Variants in ERC1 observed in about 807,000 individuals in gnomAD.
ERC1 encodes ELKS/RAB6-interacting/CAST family member 1.
A neutral mutation model predicts 132.0 loss-of-function variants in ERC1; 56 were observed. That is an observed-to-expected ratio of 0.42 (90% confidence interval 0.34 to 0.53). The LOEUF is 0.53. ERC1 is among the 20% of genes least tolerant of loss of function. The pLI is 0.03. For synonymous variants in ERC1, 478 were observed against 476.1 expected, an observed-to-expected ratio of 1.00 and a Z score of -0.05; for missense variants, 1,202 against 1,349.9, an observed-to-expected ratio of 0.89 and a Z score of 1.72.
At chr12:1,203,659 C>G (rs922177781) in intron 12 of ERC1, among the ~76,000 whole-genome samples, 1 of 152,206 alleles carries the variant, frequency 6.6e-6, no homozygotes, top group Non-Finnish European at 1.5e-5. Context: ...CCAGATGATA[C>G]TGGTCGTTAG....
At chr12:1,129,246 G>A (rs1948509633) in intron 7 of ERC1, among the ~76,000 whole-genome samples, 2 of 152,168 alleles carry the variant, frequency 1.3e-5, no homozygotes, top group Non-Finnish European at 2.9e-5. Context: ...GTCAAGGTAG[G>A]AGGATCACTT....
At position 1,115,938 on chromosome 12, in the gene ERC1, C is replaced by T. The variant is rs1593394062; in HGVS notation, c.1474C>T (p.Leu492Phe). 11 of 1,614,154 alleles carry T rather than the reference C, an allele frequency of 6.8e-6. No individual in the cohort carries two copies. Among genetic ancestry groups the T allele is most frequent in the Non-Finnish European group, 9.3e-6 (11 of 1,180,004 alleles). Residue 492 changes from leucine to phenylalanine, a missense_variant, in exon 7 of 19, where the codon CTC becomes TTC. Coordinates refer to ENST00000360905, the MANE Select transcript of ERC1 (RefSeq NM_178040.4). ...CGCCCTGCAGACAAAGCTAGAAACA[C>T]TCACAAACCAGTTCTCAGATAGTAA... ...LLALQTKLET[L>F]TNQFSDSKQH...
chr12:1,236,451 T>G (rs775532457), intron 12 of ERC1, among the ~76,000 whole-genome samples: 22 of 152,222 alleles, frequency 1.4e-4, no homozygotes, highest in Non-Finnish European at 2.6e-4. Flanking sequence ...AAATACTGCT[T>G]CCGTATTTCC....
chr12:1,484,891 C>CTT (rs57684164), intron 18 of ERC1, among the ~76,000 whole-genome samples: 7 of 149,718 alleles, frequency 4.7e-5, no homozygotes, highest in Non-Finnish European at 4.5e-5. Context: ...TCTTGTTTTT[C>CTT]TTTTTTTGAG....
chr12:1,368,919 T>A (rs1591575364), intron 15 of ERC1, among the ~76,000 whole-genome samples: 1 of 152,166 alleles, frequency 6.6e-6, no homozygotes, highest in African/African-American at 2.4e-5. Flanking sequence ...CATGTAGAAA[T>A]CAGTGTCAGG....
chr12:1,239,245 A>G (rs764576267), intron 13 of ERC1, among the ~76,000 whole-genome samples: 1 of 152,040 alleles, frequency 6.6e-6, no homozygotes, highest in Admixed American at 6.6e-5. Flanking sequence ...TGTAGAGACA[A>G]AGTCTCACTA....
intron 12 of ERC1, among the ~76,000 whole-genome samples, chr12:1,199,236 G>C (rs913530149): frequency 1.4e-5 from 2 of 146,988 alleles, no homozygotes; most frequent in African/African-American, 5.1e-5. Flanking sequence ...ACAAACCACC[G>C]TCATGATCCA....
intron 18 of ERC1, among the ~76,000 whole-genome samples, chr12:1,478,159 TC>T (rs1458700297): frequency 1.2e-4 from 18 of 152,286 alleles, no homozygotes; most frequent in African/African-American, 4.1e-4. Context: ...CCATTTACAC[TC>T]CCACCGGGAG....
chr12:1,246,247 A>G (rs1378222295), intron 13 of ERC1, among the ~76,000 whole-genome samples: 3 of 152,210 alleles, frequency 2.0e-5, no homozygotes, highest in Admixed American at 1.3e-4. Flanking sequence ...CTAATTGCCT[A>G]TAGGTGGGAG....
At chr12:1,289,698 T>C (rs1566496079) in intron 14 of ERC1, among the ~76,000 whole-genome samples, 154 bp from the exon 15 acceptor site, 1 of 152,204 alleles carries the variant, frequency 6.6e-6, no homozygotes, top group Admixed American at 6.5e-5. Flanking sequence ...TCTTGATATA[T>C]ACACACACAT....
intron 14 of ERC1, among the ~76,000 whole-genome samples, chr12:1,279,201 A>G (rs1594745387): frequency 6.6e-6 from 1 of 152,254 alleles, no homozygotes; most frequent in South Asian, 2.1e-4. Flanking sequence ...CAGAAGCTTT[A>G]ACGACTGTAA....
intron 17 of ERC1, among the ~76,000 whole-genome samples, chr12:1,418,857 C>T (rs548229056): frequency 6.6e-5 from 10 of 151,844 alleles, no homozygotes; most frequent in South Asian, 4.2e-4. Flanking sequence ...GGACTACACG[C>T]GTGTACCACC....
intron 13 of ERC1, among the ~76,000 whole-genome samples, chr12:1,252,008 G>A (rs1330226912): frequency 6.6e-6 from 1 of 151,902 alleles, no homozygotes; most frequent in Non-Finnish European, 1.5e-5. Flanking sequence ...AATTATAATG[G>A]ATACATAATA....
chr12:1,037,429 G>A (rs1432843340), intron 2 of ERC1, among the ~76,000 whole-genome samples: 1 of 152,116 alleles, frequency 6.6e-6, no homozygotes, highest in Non-Finnish European at 1.5e-5. Flanking sequence ...AATCAGTGGA[G>A]GTCATAGTTT....
At chr12:1,063,519 C>A (rs1344695873) in intron 2 of ERC1, among the ~76,000 whole-genome samples, 1 of 152,154 alleles carries the variant, frequency 6.6e-6, no homozygotes, top group Non-Finnish European at 1.5e-5. Context: ...GCCTTGGCCT[C>A]CCAAAGTGCT....
chr12:1,308,877 G>A (rs1296874653), intron 15 of ERC1, among the ~76,000 whole-genome samples: 1 of 152,156 alleles, frequency 6.6e-6, no homozygotes, highest in Non-Finnish European at 1.5e-5. Context: ...CTGACCCCAA[G>A]GTGATCATAT....
At chr12:1,296,211 C>G (rs1286431247) in intron 15 of ERC1, among the ~76,000 whole-genome samples, 1 of 151,698 alleles carries the variant, frequency 6.6e-6, no homozygotes, top group Non-Finnish European at 1.5e-5. Context: ...ACCTATAGTC[C>G]CAACTACTTG....
At chr12:1,239,309 G>T (rs1330686742) in intron 13 of ERC1, among the ~76,000 whole-genome samples, 1 of 152,106 alleles carries the variant, frequency 6.6e-6, no homozygotes, top group Non-Finnish European at 1.5e-5. Flanking sequence ...TCCTGCATCA[G>T]CCTCCCAAAG....
intron 12 of ERC1, among the ~76,000 whole-genome samples, chr12:1,199,950 C>T (rs1956754186): frequency 6.6e-6 from 1 of 151,006 alleles, no homozygotes; most frequent in Non-Finnish European, 1.5e-5. Flanking sequence ...TGAATGAGGT[C>T]ATTTTCCTAT....
Sources: allele counts gnomAD v4.1 joint callset (sites outside exome capture counted in the v4.1 genomes callset), GRCh38; gene constraint gnomAD v4.1.1; transcripts MANE v1.5; gene names NCBI Gene and HGNC (gene_info 2026-07-23, HGNC 2026-07-21).